The following NALCN variants were observed in gnomAD, a reference collection of about 807,000 sequenced individuals.
NALCN encodes sodium leak channel, non-selective.
A neutral mutation model predicts 225.3 loss-of-function variants in NALCN; 111 were observed. That is an observed-to-expected ratio of 0.49 (90% CI 0.42 to 0.58). The LOEUF is 0.58. Ranked by LOEUF, NALCN falls within the 20% of genes least tolerant of loss-of-function variation. The pLI is 0.00. For synonymous variants in NALCN, 764 were observed against 769.0 expected (o/e 0.99, Z 0.11); for missense variants, 1,378 against 2,202.4 (o/e 0.63, Z 7.49).
At chr13:101,080,702 T>C (rs1192189043) in intron 34 of NALCN, among the ~76,000 whole-genome samples, 1 of 146,842 alleles carries the variant, frequency 6.8e-6, no homozygotes, top group Non-Finnish European at 1.5e-5. Context: ...ATACACATAA[T>C]GCATCTTTTA....
At chr13:101,157,502 C>T (rs2037962720) in intron 15 of NALCN, among the ~76,000 whole-genome samples, 1 of 152,058 alleles carries the variant, frequency 6.6e-6, no homozygotes, top group Admixed American at 6.6e-5. Context: ...GAGTAATGCT[C>T]CAAGTGGAAT....
At chr13:101,308,670 G>A (rs140699469) in intron 7 of NALCN, among the ~76,000 whole-genome samples, 4 of 152,308 alleles carry the variant, frequency 2.6e-5, no homozygotes, top group Non-Finnish European at 5.9e-5. Flanking sequence ...AACGGCTGAT[G>A]TTCACAAGGA....
At chr13:101,116,962 C>G (rs2035746991) in intron 18 of NALCN, 1 of 516,684 alleles carries the variant, frequency 1.9e-6, no homozygotes, top group South Asian at 1.4e-5. Flanking sequence ...CAAGTAGAGA[C>G]AACAGCGGAT....
chr13:101,228,479 C>G (rs1047846569), intron 13 of NALCN, among the ~76,000 whole-genome samples: 1 of 152,060 alleles, frequency 6.6e-6, no homozygotes, highest in Non-Finnish European at 1.5e-5. Context: ...GGGCGGTTTC[C>G]CCCCTGCTGC....
At chr13:101,124,809 A>G in intron 17 of NALCN, 128 bp from the exon 18 acceptor site, 1 of 854,034 alleles carries the variant, frequency 1.2e-6, no homozygotes, top group Non-Finnish European at 1.8e-6. Context: ...TCATCGTACA[A>G]TTGACAATTC....
chr13:101,315,916 C>T (rs2044537454), intron 7 of NALCN, among the ~76,000 whole-genome samples: 1 of 152,000 alleles, frequency 6.6e-6, no homozygotes, highest in South Asian at 2.1e-4. Flanking sequence ...CTGATATGCT[C>T]CTGATCTGTC....
chr13:101,263,128 C>A (rs1300541021), intron 10 of NALCN, among the ~76,000 whole-genome samples: 2 of 152,162 alleles, frequency 1.3e-5, no homozygotes, highest in African/African-American at 4.8e-5. Context: ...TTGAGACATG[C>A]CAGTGACATC....
chr13:101,287,278 C>T (rs995546564), intron 9 of NALCN, among the ~76,000 whole-genome samples: 3 of 152,134 alleles, frequency 2.0e-5, no homozygotes, highest in Admixed American at 6.5e-5. Context: ...TTTCAGCCAG[C>T]AATAAATACT....
intron 7 of NALCN, among the ~76,000 whole-genome samples, chr13:101,313,838 G>A (rs975973730): frequency 2.2e-4 from 33 of 152,182 alleles, no homozygotes; most frequent in South Asian, 1.7e-3. Context: ...TATAAATCAT[G>A]CTGCTATAAA....
At chr13:101,294,059 A>G (rs767985503) in intron 7 of NALCN, among the ~76,000 whole-genome samples, 1 of 152,136 alleles carries the variant, frequency 6.6e-6, no homozygotes, top group Non-Finnish European at 1.5e-5. Context: ...CAGAAAAGAA[A>G]AGTGAAGGTC....
chr13:101,117,619 T>C (rs1233588731), intron 18 of NALCN, among the ~76,000 whole-genome samples: 1 of 152,260 alleles, frequency 6.6e-6, no homozygotes, highest in Non-Finnish European at 1.5e-5. Context: ...TCATACAGTA[T>C]GTAGACTTTT....
intron 28 of NALCN, among the ~76,000 whole-genome samples, chr13:101,092,288 T>C (rs1228193177): frequency 6.6e-6 from 1 of 152,122 alleles, no homozygotes; most frequent in Non-Finnish European, 1.5e-5. Context: ...TTGGGGAACA[T>C]GGGGGCACCC....
intron 13 of NALCN, among the ~76,000 whole-genome samples, chr13:101,223,899 A>G (rs995074009): frequency 6.6e-6 from 1 of 151,340 alleles, no homozygotes; most frequent in African/African-American, 2.4e-5. Flanking sequence ...GCTGACAAAC[A>G]CCTGCCACAA....
intron 14 of NALCN, chr13:101,181,417 T>C (rs1317317818): frequency 2.1e-6 from 1 of 483,300 alleles, no homozygotes; most frequent in East Asian, 5.6e-5. Context: ...TTTTTGTGTG[T>C]GTGTTTTTGT....
intron 6 of NALCN, among the ~76,000 whole-genome samples, chr13:101,369,193 T>G (rs1358850588): frequency 6.6e-6 from 1 of 151,842 alleles, no homozygotes; most frequent in Non-Finnish European, 1.5e-5. Context: ...TGTGTGTGTG[T>G]GTGTGTATGC....
intron 9 of NALCN, among the ~76,000 whole-genome samples, chr13:101,286,762 T>A (rs2043352347): frequency 6.6e-6 from 1 of 151,928 alleles, no homozygotes; most frequent in Non-Finnish European, 1.5e-5. Context: ...TATTTTACTA[T>A]TAAAGGCTTA....
intron 6 of NALCN, among the ~76,000 whole-genome samples, chr13:101,367,586 A>C (rs1327575348): frequency 6.6e-6 from 1 of 152,104 alleles, no homozygotes. Context: ...TAAATATTAA[A>C]TTAATGAGCT....
At chr13:101,404,235 T>C (rs2047556123) in intron 1 of NALCN, among the ~76,000 whole-genome samples, 1 of 152,170 alleles carries the variant, frequency 6.6e-6, no homozygotes, top group South Asian at 2.1e-4. Context: ...GCAAGGAATA[T>C]TGAGCAGTGG....
In NALCN at chr13:101,083,784, G is replaced by C; in HGVS notation, c.3510C>G (p.Val1170=). 3 of 1,613,770 alleles carry C rather than the reference G, an allele frequency of 1.9e-6. No homozygotes were observed. The highest frequency in any genetic ancestry group is 3.3e-4 in the Middle Eastern group (2 of 6,058). ...TCAGGTCTTCCCATCTTCTCTGATCGACGGTCAGCAAAGCCGTCCCCTTAA... is the reference window on the plus strand; with the variant it reads ...TCAGGTCTTCCCATCTTCTCTGATCCACGGTCAGCAAAGCCGTCCCCTTAA... ...NENKGTALLT[V]DQRRWEDLKS... The change falls in exon 31 of 44, where the codon GTC becomes GTG. Residue 1170 remains valine (V), a synonymous_variant. Transcript: ENST00000251127.
Sources: allele counts gnomAD v4.1 joint callset (sites outside exome capture counted in the v4.1 genomes callset), GRCh38; gene constraint gnomAD v4.1.1; transcripts MANE v1.5; gene names NCBI Gene and HGNC (gene_info 2026-07-23, HGNC 2026-07-21).